Variants in DERPC observed in about 807,000 individuals in gnomAD.
The protein encoded by DERPC is DERPC proline and glycine rich nuclear protein.
A neutral mutation model predicts 7.2 loss-of-function variants in DERPC; 1 was observed. That is an observed-to-expected ratio of 0.14 (90% CI 0.05 to 0.66). The LOEUF (loss-of-function observed/expected upper bound fraction) is 0.66, where lower values mean the gene tolerates loss of function less well. Among genes scored for constraint, DERPC ranks in the 30% least tolerant of loss-of-function variants. The pLI is 0.84. For missense variants in DERPC, 502 were observed against 299.4 expected (o/e 1.68, Z -4.99); for synonymous variants, 185 against 117.6 (o/e 1.57, Z -3.71).
Position 69,118,870 on chromosome 16 carries a change from C to G in DERPC, c.1559G>C (p.Gly520Ala). Residue 520 changes from glycine (G) to alanine (A), a missense_variant, in exon 3 of 3, where the codon GGA (glycine) becomes GCA (alanine). Physicochemically the swap from Gly to Ala is moderately conservative, Grantham distance 60. Coordinates refer to ENST00000519520, the MANE Select transcript of DERPC (RefSeq NM_001002847.4). Reference protein sequence around the residue: ...GGPMAAMYPNGMLPP With the variant: ...GGPMAAMYPNAMLPP ...AAATGGTGTTTAAGGGGGCAACATT[C>G]CATTTGGGTACATTGCAGCCATTGG... The G allele has an allele frequency of 1.4e-6, 1 of 702,630 alleles. No homozygotes were observed. Among genetic ancestry groups the G allele is most frequent in the Non-Finnish European group, 2.6e-6 (1 of 384,718 alleles). 43.5% of individuals were successfully genotyped at this position (702,630 alleles called of 1,614,324 possible).
rs373873343 is a variant in DERPC, at chr16:69,123,731, GTGAT to G, written c.-279-2242_-279-2239del. On this transcript the variant is annotated intron_variant, in intron 1 of 2. Transcript: ENST00000519520. ...AGTGAATGGTAAGCTGACTTCTGAT[GTGAT>G]TCTTATCAAAAGCTTTCACCACCTT... Among the ~76,000 whole-genome samples the G allele has an allele frequency of 5.5e-3, 837 of 152,242 alleles. 6 individuals are homozygous for G. Among genetic ancestry groups the G allele is most frequent in the Non-Finnish European group, 9.9e-3 (674 of 68,022 alleles).
Position 69,118,978 on chromosome 16 carries a change from G to A in DERPC, c.1451C>T (p.Pro484Leu). The change falls in exon 3 of 3, where the codon CCT becomes CTT. Residue 484 changes from proline to leucine, a missense_variant. Pro to Leu is a moderately conservative substitution (Grantham distance 98). Transcript: ENST00000519520. ...AAATGGGACGAAACTCTTGCCTGCA[G>A]GGCCATTCATCCTTGGAAAGGAAGC... ...NPASFPRMNG[P>L]AGKSFVPFPR... 1 of 703,064 alleles carries A rather than the reference G, an allele frequency of 1.4e-6. No individual in the cohort carries two copies. The highest frequency in any genetic ancestry group is 1.5e-5 in the South Asian group (1 of 67,600). The allele number at this position is 703,064 out of a possible 1,614,324, so 43.6% of individuals were successfully genotyped here.
At chr16:69,126,704 G>A (rs529015379) in intron 1 of DERPC, among the ~76,000 whole-genome samples, 2 of 152,350 alleles carry the variant, frequency 1.3e-5, no homozygotes, top group Middle Eastern at 3.4e-3. Context: ...TTATACGCAC[G>A]TGGGTGTATT....
At chr16:69,124,923 A>G (rs1201169501) in intron 1 of DERPC, among the ~76,000 whole-genome samples, 1 of 150,208 alleles carries the variant, frequency 6.7e-6, no homozygotes, top group African/African-American at 2.5e-5. Context: ...ACTTTTTTTG[A>G]GACAGAGTTT....
intron 2 of DERPC, 46 bp downstream of exon 2, chr16:69,121,390 C>T: frequency 6.5e-7 from 1 of 1,534,798 alleles, no homozygotes; most frequent in Non-Finnish European, 8.9e-7. Context: ...ACCTCTATAG[C>T]CCTCATCATT....
Position 69,118,515 on chromosome 16 carries a change from C to A in DERPC, c.*339G>T. 1 of 1,015,318 alleles carries A rather than the reference C, an allele frequency of 9.8e-7. No individual in the cohort carries two copies. The highest frequency in any genetic ancestry group is 1.6e-6 in the Non-Finnish European group (1 of 633,774). The allele number at this position is 1,015,318 out of a possible 1,614,324, so 62.9% of individuals were successfully genotyped here. On this transcript the variant is annotated 3_prime_UTR_variant, in exon 3 of 3. Coordinates refer to ENST00000519520, the MANE Select transcript of DERPC (RefSeq NM_001002847.4). ...CTACATGTGAACTGGGACCTGCAGG[C>A]CAATGTATCCCTGAGGAAAAGTCCA...
rs759641278 is a variant in DERPC at position 69,118,401 on chromosome 16, C to G, written c.*453G>C. ...GTAGAGGATGACCAGGTCCAAGCTG[C>G]CCAGGTCAGAGCTACGGAAGCATGG... On this transcript the variant is annotated 3_prime_UTR_variant, in exon 3 of 3. Coordinates refer to ENST00000519520, the MANE Select transcript of DERPC (RefSeq NM_001002847.4). 2.3e-5 allele frequency: 37 copies of G among 1,613,038 alleles called. 1 individual carries two copies. In the South Asian group the frequency reaches 3.7e-4, roughly 16 times the overall value.
intron 1 of DERPC, among the ~76,000 whole-genome samples, chr16:69,128,319 A>G (rs1290748833): frequency 6.6e-6 from 1 of 152,210 alleles, no homozygotes; most frequent in African/African-American, 2.4e-5. Flanking sequence ...AGAGCCAGGG[A>G]GAGACTTCTG....
In DERPC at chr16:69,118,182, T is replaced by C. The variant is rs1961305084; in HGVS notation, c.*672A>G. The C allele has an allele frequency of 3.4e-6, 2 of 590,320 alleles. No individual in the cohort carries two copies. The highest frequency in any genetic ancestry group is 2.0e-5 in the South Asian group (1 of 49,202). 36.6% of individuals were successfully genotyped at this position (590,320 alleles called of 1,614,324 possible). A position where few individuals can be genotyped will look rare whatever the true frequency, so the allele number is the denominator to read the frequency against. On this transcript the variant is annotated 3_prime_UTR_variant, in exon 3 of 3. Coordinates refer to ENST00000519520, the MANE Select transcript of DERPC (RefSeq NM_001002847.4). ...ACATCAGTTTAAATTTTGAGGTTCT[T>C]TGATTGATTGGGAGTACCAGTGAAG...
intron 1 of DERPC, among the ~76,000 whole-genome samples, chr16:69,127,181 T>G (rs1962127282): frequency 6.7e-6 from 1 of 149,916 alleles, no homozygotes; most frequent in Non-Finnish European, 1.5e-5. Flanking sequence ...GAGGCTGCAG[T>G]GAGCTGAGAT....
rs2152263190 is a variant in DERPC, at chr16:69,118,147, ATTC to A, written c.*704_*706del. On this transcript the variant is annotated 3_prime_UTR_variant, in exon 3 of 3. Coordinates refer to ENST00000519520, the MANE Select transcript of DERPC (RefSeq NM_001002847.4). ...CCCCCACCCCCACCCTAATTCCCAT[ATTC>A]CCATCCACATCAGTTTAAATTTTGA... 4 of 489,840 alleles carry A rather than the reference ATTC, an allele frequency of 8.2e-6. No individual in the cohort carries two copies. Among genetic ancestry groups the A allele is most frequent in the Non-Finnish European group, 1.4e-5 (4 of 276,190 alleles). 30.3% of individuals were successfully genotyped at this position (489,840 alleles called of 1,614,324 possible). A position where few individuals can be genotyped will look rare whatever the true frequency, so the allele number is the denominator to read the frequency against.
At chr16:69,127,287 T>G (rs1962136884) in intron 1 of DERPC, among the ~76,000 whole-genome samples, 1 of 148,670 alleles carries the variant, frequency 6.7e-6, no homozygotes, top group African/African-American at 2.5e-5. Flanking sequence ...TGTGCCCCCA[T>G]CCCCTTGAGA....
chr16:69,120,415 C>T lies in DERPC; in HGVS notation c.14G>A (p.Arg5Gln), dbSNP rs1961558014. MKEPRIFPRERPTPW... is the reference protein window; with the variant it reads MKEPQIFPRERPTPW... The stretch of plus-strand genomic sequence containing the variant: ...AGTTGGCCGCTCTCTAGGGAAAATC[C>T]GAGGTTCTTTCATACTTTCTTGGGG... Residue 5 changes from arginine (R) to glutamine (Q), a missense_variant, in exon 3 of 3, where the codon CGG (arginine) becomes CAG (glutamine). Arg to Gln is a conservative substitution (Grantham distance 43). Transcript: ENST00000519520. The surrounding 1 kb of genome is among the most constrained non-coding windows in gnomAD (Gnocchi z 4.0). 1.2e-6 allele frequency: 2 copies of T among 1,613,820 alleles called. No homozygotes were observed. The highest frequency in any genetic ancestry group is 1.7e-6 in the Non-Finnish European group (2 of 1,179,770).
In DERPC at chr16:69,118,795, G is replaced by A. The variant is rs1961372927; in HGVS notation, c.*59C>T. On this transcript the variant is annotated 3_prime_UTR_variant, in exon 3 of 3. Coordinates refer to ENST00000519520, the MANE Select transcript of DERPC (RefSeq NM_001002847.4). ...CACAACTACCCTTTTACCTAAGACA[G>A]CCCCTGCCAAGAACCACAGTGCCTA... 3.0e-6 allele frequency: 2 copies of A among 657,036 alleles called. No homozygotes were observed. The highest frequency in any genetic ancestry group is 1.8e-5 in the African/African-American group (1 of 55,818). The allele number at this position is 657,036 out of a possible 1,614,324, so 40.7% of individuals were successfully genotyped here.
intron 1 of DERPC, among the ~76,000 whole-genome samples, chr16:69,129,013 G>A (rs746587668): frequency 1.3e-5 from 2 of 151,968 alleles, no homozygotes; most frequent in African/African-American, 2.4e-5. Flanking sequence ...ACAGTGAGCC[G>A]AGACTGTGCC....
intron 1 of DERPC, chr16:69,131,222 G>A (rs752554661): frequency 6.6e-6 from 1 of 152,118 alleles, no homozygotes; most frequent in African/African-American, 2.4e-5. Flanking sequence ...GTTCAAAAAC[G>A]TGTGTGGATG....
Position 69,118,077 on chromosome 16 carries a change from C to A in DERPC, c.*777G>T. On this transcript the variant is annotated 3_prime_UTR_variant, in exon 3 of 3. Transcript: ENST00000519520. ...CAATGCAGGAAAACCACCAACCATC[C>A]TTGCACACCAGGCCGAACAAAGCAC... 1 of 512,216 alleles carries A rather than the reference C, an allele frequency of 2.0e-6. No individual in the cohort carries two copies. The highest frequency in any genetic ancestry group is 3.5e-6 in the Non-Finnish European group (1 of 284,668). The allele number at this position is 512,216 out of a possible 1,614,324, so 31.7% of individuals were successfully genotyped here. A position where few individuals can be genotyped will look rare whatever the true frequency, so the allele number is the denominator to read the frequency against.
intron 1 of DERPC, among the ~76,000 whole-genome samples, chr16:69,129,341 AATG>A (rs1567594783): frequency 6.6e-6 from 1 of 150,894 alleles, no homozygotes; most frequent in African/African-American, 2.4e-5. Context: ...GAGGCAGGAG[AATG>A]GCGTGAACCC....
chr16:69,122,033 G>A (rs1055601728), intron 1 of DERPC, among the ~76,000 whole-genome samples: 16 of 150,966 alleles, frequency 1.1e-4, no homozygotes, highest in African/African-American at 3.2e-4. Context: ...TGATTCACCC[G>A]CCTCAGCCTC....
Sources: gnomAD v4.1 joint callset for allele counts (sites outside exome capture counted in the v4.1 genomes callset) on GRCh38, gnomAD v4.1.1 for gene constraint, Gnocchi (gnomAD v3.1) non-coding constraint, MANE v1.5 for transcripts, NCBI Gene and HGNC (gene_info 2026-07-23, HGNC 2026-07-21) for gene names.